The following NEK10 variants were observed in gnomAD, a reference collection of about 807,000 sequenced individuals.
The protein encoded by NEK10 is NIMA related kinase 10, also known as serine/threonine-protein kinase Nek10.
In NEK10, 122 loss-of-function variants were observed where a neutral mutation model predicts 159.8. The ratio of observed to expected loss-of-function variants is 0.76; its 90% CI spans 0.66 to 0.89. The LOEUF is 0.89. Ranked by LOEUF, NEK10 falls within the 40% of genes least tolerant of loss-of-function variation. NEK10 has a pLI of 0.00. For missense variants in NEK10, 1,342 were observed against 1,323.1 expected (o/e 1.01, Z -0.22); for synonymous variants, 466 against 457.1 (o/e 1.02, Z -0.25).
chr3:27,279,372 G>A (rs1441084765), intron 22 of NEK10, among the ~76,000 whole-genome samples: 1 of 152,140 alleles, frequency 6.6e-6, no homozygotes, highest in Non-Finnish European at 1.5e-5. Context: ...CTGCCCCTCT[G>A]TGGTGACATG....
At chr3:27,192,006 C>G (rs1176359985) in intron 26 of NEK10, 23 bp downstream of exon 26, 1 of 1,606,778 alleles carries the variant, frequency 6.2e-7, no homozygotes, top group South Asian at 1.1e-5. Flanking sequence ...GCATCATGAA[C>G]CGATTGAAAT....
At chr3:27,170,007 T>C (rs1273758650) in intron 29 of NEK10, among the ~76,000 whole-genome samples, 1 of 152,160 alleles carries the variant, frequency 6.6e-6, no homozygotes, top group Non-Finnish European at 1.5e-5. Flanking sequence ...AATGTCTCCT[T>C]TATAGACTTC....
intron 23 of NEK10, among the ~76,000 whole-genome samples, chr3:27,226,354 A>T (rs564079935): frequency 3.6e-3 from 548 of 150,534 alleles, no homozygotes; most frequent in African/African-American, 7.0e-3. Flanking sequence ...CACAGTTTTT[A>T]AAAAAAAGAA....
At chr3:27,289,307 G>A (rs2042836196) in intron 19 of NEK10, among the ~76,000 whole-genome samples, 1 of 152,132 alleles carries the variant, frequency 6.6e-6, no homozygotes, top group South Asian at 2.1e-4. Context: ...CTTTGTTAAT[G>A]CAGGTTAATC....
chr3:27,252,573 A>T (rs1029973077), intron 23 of NEK10, among the ~76,000 whole-genome samples: 5 of 152,246 alleles, frequency 3.3e-5, no homozygotes, highest in African/African-American at 1.2e-4. Flanking sequence ...ACTGCTGGGG[A>T]TTGTGATGAA....
rs768282619 is a variant in NEK10 at position 27,108,307 on chromosome 3, G to A, written c.*2965C>T. Among the ~76,000 whole-genome samples, 4 of 152,178 alleles carry A rather than the reference G, an allele frequency of 2.6e-5. No individual in the cohort carries two copies. Among genetic ancestry groups the A allele is most frequent in the Non-Finnish European group, 5.9e-5 (4 of 68,038 alleles). On this transcript the variant is annotated 3_prime_UTR_variant, in exon 36 of 36. Transcript: ENST00000691995. Reference sequence around the variant, plus strand: ...CTAGGTTTCTGAAATTCATCCACAAGCAGTGGGTCCAAGTGTCCACGTCAC... The same window carrying A: ...CTAGGTTTCTGAAATTCATCCACAAACAGTGGGTCCAAGTGTCCACGTCAC...
At chr3:27,336,583 A>T (rs2149738498) in intron 5 of NEK10, among the ~76,000 whole-genome samples, 1 of 152,300 alleles carries the variant, frequency 6.6e-6, no homozygotes, top group South Asian at 2.1e-4. Context: ...ATGAACATAG[A>T]TGTAAAAATC....
intron 13 of NEK10, among the ~76,000 whole-genome samples, chr3:27,299,231 C>T (rs1314532951): frequency 6.6e-6 from 1 of 152,170 alleles, no homozygotes; most frequent in Non-Finnish European, 1.5e-5. Context: ...ACTTGGTGCC[C>T]TGCATCCCAG....
intron 23 of NEK10, among the ~76,000 whole-genome samples, chr3:27,238,966 C>A (rs1286281041): frequency 1.3e-5 from 2 of 151,942 alleles, no homozygotes; most frequent in African/African-American, 4.8e-5. Flanking sequence ...AGATTTGGCC[C>A]ACAACTAGTC....
At chr3:27,139,024 C>T (rs1486683277) in intron 31 of NEK10, among the ~76,000 whole-genome samples, 1 of 152,136 alleles carries the variant, frequency 6.6e-6, no homozygotes, top group Non-Finnish European at 1.5e-5. Flanking sequence ...GTGGAAAGAT[C>T]CCAAGATAGC....
chr3:27,222,201 C>T (rs1437357313), intron 23 of NEK10, among the ~76,000 whole-genome samples: 4 of 152,156 alleles, frequency 2.6e-5, no homozygotes, highest in African/African-American at 4.8e-5. Context: ...GGTGAAACCC[C>T]GTCTCTACTA....
intron 23 of NEK10, among the ~76,000 whole-genome samples, chr3:27,248,820 A>G (rs1489374099): frequency 6.6e-6 from 1 of 152,180 alleles, no homozygotes; most frequent in Non-Finnish European, 1.5e-5. Context: ...AGAAGAATGT[A>G]TATTCTGTAG....
chr3:27,352,442 T>C, intron 3 of NEK10, 23 bp downstream of exon 3: 1 of 1,557,414 alleles, frequency 6.4e-7, no homozygotes, highest in South Asian at 1.1e-5. Context: ...TATTACCAAG[T>C]GAACATTCTT....
intron 5 of NEK10, among the ~76,000 whole-genome samples, chr3:27,325,489 ATC>A (rs1187915706): frequency 6.6e-6 from 1 of 152,102 alleles, no homozygotes; most frequent in African/African-American, 2.4e-5. Flanking sequence ...GGTACAGTTC[ATC>A]TCTGTCTCCT....
intron 25 of NEK10, among the ~76,000 whole-genome samples, chr3:27,193,219 A>C (rs1949261879): frequency 6.6e-6 from 1 of 152,194 alleles, no homozygotes; most frequent in Non-Finnish European, 1.5e-5. Context: ...TATTTCTTGA[A>C]TCCACATCCT....
chr3:27,322,291 A>T (rs1214448427), intron 5 of NEK10, 30 bp from the exon 6 acceptor site: 3 of 1,346,462 alleles, frequency 2.2e-6, no homozygotes, highest in Non-Finnish European at 3.1e-6. Context: ...GAACATGTTC[A>T]CGTTTAAAAT....
chr3:27,196,899 T>C (rs1352159629), intron 25 of NEK10, among the ~76,000 whole-genome samples: 1 of 152,200 alleles, frequency 6.6e-6, no homozygotes, highest in Admixed American at 6.5e-5. Context: ...TAAATATATT[T>C]GGATTCATTA....
At chr3:27,257,909 C>T (rs1956380923) in intron 22 of NEK10, among the ~76,000 whole-genome samples, 1 of 151,748 alleles carries the variant, frequency 6.6e-6, no homozygotes, top group Admixed American at 6.6e-5. Context: ...CTGCCTCAGC[C>T]TCCCAAGTCG....
chr3:27,233,075 T>A (rs1375614623), intron 23 of NEK10, among the ~76,000 whole-genome samples: 1 of 151,750 alleles, frequency 6.6e-6, no homozygotes, highest in Non-Finnish European at 1.5e-5. Flanking sequence ...CACAGCAATA[T>A]AAATAATCAG....
Sources: gnomAD v4.1 joint callset for allele counts (sites outside exome capture counted in the v4.1 genomes callset) on GRCh38, gnomAD v4.1.1 for gene constraint, MANE v1.5 for transcripts, NCBI Gene and HGNC (gene_info 2026-07-23, HGNC 2026-07-21) for gene names.